Variants in NPAS3 observed in about 807,000 individuals in gnomAD.
The protein encoded by NPAS3 is neuronal PAS domain-containing protein 3.
A neutral mutation model predicts 73.1 loss-of-function variants in NPAS3; 14 were observed. The observed-to-expected ratio is 0.19, with a 90% confidence interval of 0.13 to 0.30. The LOEUF (loss-of-function observed/expected upper bound fraction) is 0.30, where lower values mean the gene tolerates loss of function less well. Among genes scored for constraint, NPAS3 ranks in the 10% least tolerant of loss-of-function variants. The pLI is 1.00. For missense variants in NPAS3, 1,096 were observed against 1,250.0 expected (o/e 0.88, Z 1.86); for synonymous variants, 620 against 541.5 (o/e 1.14, Z -2.01).
intron 4 of NPAS3, among the ~76,000 whole-genome samples, chr14:33,551,741 T>G (rs1024369098): frequency 2.6e-5 from 4 of 152,196 alleles, no homozygotes; most frequent in Non-Finnish European, 5.9e-5. Context: ...TAGGGATTAT[T>G]TATTACCCGT....
intron 3 of NPAS3, among the ~76,000 whole-genome samples, chr14:33,300,384 A>C (rs921124656): frequency 2.6e-5 from 4 of 152,222 alleles, no homozygotes; most frequent in African/African-American, 7.2e-5. Flanking sequence ...TAACTATTAT[A>C]ATGAACCACC....
chr14:33,127,476 G>T (rs369948993), intron 2 of NPAS3, among the ~76,000 whole-genome samples: 2 of 152,070 alleles, frequency 1.3e-5, no homozygotes, highest in Admixed American at 1.3e-4. Flanking sequence ...ACTTGGCCAC[G>T]CTGTGTCTCT....
intron 5 of NPAS3, among the ~76,000 whole-genome samples, chr14:33,670,744 CTGGGAATTT>C (rs1350631983): frequency 6.6e-6 from 1 of 151,942 alleles, no homozygotes; most frequent in Non-Finnish European, 1.5e-5. Flanking sequence ...AAGGCCTCAC[CTGGGAATTT>C]AGTTTCCAAG....
chr14:33,280,838 G>A (rs1455008991), intron 3 of NPAS3, among the ~76,000 whole-genome samples: 1 of 152,162 alleles, frequency 6.6e-6, no homozygotes, highest in Non-Finnish European at 1.5e-5. Context: ...CTCAAGTTCA[G>A]TGAATTGTGC....
chr14:33,117,118 G>A (rs767482874), intron 2 of NPAS3, among the ~76,000 whole-genome samples: 17 of 151,736 alleles, frequency 1.1e-4, no homozygotes, highest in African/African-American at 2.4e-4. Context: ...ACAATGTGAT[G>A]TTTTCGTACA....
intron 2 of NPAS3, among the ~76,000 whole-genome samples, chr14:33,113,622 A>G (rs1490622893): frequency 6.6e-6 from 1 of 152,146 alleles, no homozygotes. Flanking sequence ...AACAGGGACA[A>G]TTTGACTTCC....
chr14:33,028,747 A>G (rs1435293174), intron 1 of NPAS3, among the ~76,000 whole-genome samples: 1 of 152,174 alleles, frequency 6.6e-6, no homozygotes, highest in Non-Finnish European at 1.5e-5. Context: ...TGAAGAAAAC[A>G]TTACAGAGGA....
At chr14:32,990,016 G>A (rs772799260) in intron 1 of NPAS3, among the ~76,000 whole-genome samples, 11 of 152,066 alleles carry the variant, frequency 7.2e-5, no homozygotes. Flanking sequence ...GAGGGGTGAG[G>A]ATAAAGGAGG....
intron 4 of NPAS3, among the ~76,000 whole-genome samples, chr14:33,404,968 G>T (rs926563336): frequency 3.9e-5 from 6 of 152,050 alleles, no homozygotes; most frequent in African/African-American, 9.7e-5. Context: ...TGTCTATATT[G>T]TAATGCTTGC....
intron 3 of NPAS3, among the ~76,000 whole-genome samples, chr14:33,312,528 G>A (rs567577503): frequency 1.3e-5 from 2 of 152,068 alleles, no homozygotes; most frequent in East Asian, 3.9e-4. Context: ...TTAAAAAGTT[G>A]CAACATTGGG....
chr14:33,109,278 C>A (rs528692941), intron 2 of NPAS3, among the ~76,000 whole-genome samples: 1 of 152,192 alleles, frequency 6.6e-6, no homozygotes, highest in Admixed American at 6.6e-5. Context: ...ACTTTTAAAT[C>A]TTTGAACCTC....
chr14:33,171,368 G>T (rs2045382101), intron 2 of NPAS3, among the ~76,000 whole-genome samples: 1 of 152,158 alleles, frequency 6.6e-6, no homozygotes, highest in African/African-American at 2.4e-5. Context: ...AATGATAAAT[G>T]AGAGTTGGCT....
intron 3 of NPAS3, among the ~76,000 whole-genome samples, chr14:33,232,574 T>C (rs893838711): frequency 6.6e-6 from 1 of 152,154 alleles, no homozygotes; most frequent in African/African-American, 2.4e-5. Flanking sequence ...TGAATTATGT[T>C]TGTGGCAAAC....
chr14:33,426,681 G>A (rs561431418), intron 4 of NPAS3, among the ~76,000 whole-genome samples: 2 of 152,154 alleles, frequency 1.3e-5, no homozygotes, highest in Admixed American at 6.5e-5. Flanking sequence ...GGGTACAGGG[G>A]AGGGTTAGTC....
At chr14:33,593,822 T>C (rs1162958386) in intron 5 of NPAS3, among the ~76,000 whole-genome samples, 4 of 152,196 alleles carry the variant, frequency 2.6e-5, no homozygotes, top group East Asian at 1.9e-4. Flanking sequence ...TGTTGCAGAA[T>C]AGTAGGCAAT....
At chr14:33,217,663 G>T (rs1310662745) in intron 3 of NPAS3, among the ~76,000 whole-genome samples, 2 of 152,150 alleles carry the variant, frequency 1.3e-5, no homozygotes, top group East Asian at 3.8e-4. Flanking sequence ...TACCAAAGTA[G>T]AAAAATGTGA....
intron 4 of NPAS3, among the ~76,000 whole-genome samples, chr14:33,488,796 C>A (rs1378667126): frequency 1.3e-5 from 2 of 152,130 alleles, no homozygotes; most frequent in Non-Finnish European, 2.9e-5. Context: ...TGGAGAAATG[C>A]GCTTTAGTTT....
intron 1 of NPAS3, among the ~76,000 whole-genome samples, chr14:32,955,571 G>A (rs1324429181): frequency 6.6e-6 from 1 of 152,108 alleles, no homozygotes; most frequent in Non-Finnish European, 1.5e-5. Context: ...CAAAATGATG[G>A]ATGATGAAGA....
chr14:33,396,424 C>A (rs1344679543), intron 4 of NPAS3, among the ~76,000 whole-genome samples: 1 of 152,146 alleles, frequency 6.6e-6, no homozygotes, highest in Non-Finnish European at 1.5e-5. Flanking sequence ...TTAAATACTA[C>A]AGCGTTCTCT....
Sources: gnomAD v4.1 joint callset for allele counts (sites outside exome capture counted in the v4.1 genomes callset) on GRCh38, gnomAD v4.1.1 for gene constraint, MANE v1.5 for transcripts, NCBI Gene and HGNC (gene_info 2026-07-23, HGNC 2026-07-21) for gene names.